The following KCNH5 variants were observed in gnomAD, a reference collection of about 807,000 sequenced individuals.
KCNH5 encodes the protein potassium voltage-gated channel subfamily H member 5.
In KCNH5, 46 loss-of-function variants were observed where a neutral mutation model predicts 96.1. That is an observed-to-expected ratio of 0.48 (90% CI 0.38 to 0.61). KCNH5 has a LOEUF of 0.61. KCNH5 is among the 20% of genes least tolerant of loss of function. The pLI is 0.00. For missense variants in KCNH5, 907 were observed against 1,225.8 expected (o/e 0.74, Z 3.88); for synonymous variants, 439 against 449.8 (o/e 0.98, Z 0.30).
chr14:62,963,552 C>CA (rs1890252239), intron 6 of KCNH5, among the ~76,000 whole-genome samples: 2 of 124,362 alleles, frequency 1.6e-5, no homozygotes, highest in Non-Finnish European at 3.6e-5. Flanking sequence ...AGTCCAAAAG[C>CA]AAGACGAGAT....
At chr14:62,929,222 G>C (rs1328688232) in intron 7 of KCNH5, among the ~76,000 whole-genome samples, 1 of 151,936 alleles carries the variant, frequency 6.6e-6, no homozygotes, top group African/African-American at 2.4e-5. Context: ...CATCTAGTCT[G>C]TCAGCAAATC....
chr14:62,954,368 A>C lies in KCNH5; in HGVS notation c.943-3809T>G, dbSNP rs541349378. ...TATAACAATTTTCACTGTCACACTTACTACAAGTCTGTTTGCATGTATGAC... is the reference window on the plus strand; with the variant it reads ...TATAACAATTTTCACTGTCACACTTCCTACAAGTCTGTTTGCATGTATGAC... On this transcript the variant is annotated intron_variant, in intron 6 of 10. Coordinates refer to ENST00000322893, the MANE Select transcript of KCNH5 (RefSeq NM_139318.5). Among the ~76,000 whole-genome samples the C allele has an allele frequency of 5.3e-5, 8 of 152,314 alleles. No homozygotes were observed. The East Asian group carries it at 1.5e-3, about 29-fold the overall frequency.
intron 7 of KCNH5, among the ~76,000 whole-genome samples, chr14:62,919,861 T>G (rs1324008776): frequency 6.6e-6 from 1 of 151,890 alleles, no homozygotes; most frequent in Admixed American, 6.6e-5. Flanking sequence ...GTGATTACAT[T>G]TAAATATAGC....
chr14:63,042,204 C>G (rs1309793670), intron 1 of KCNH5, among the ~76,000 whole-genome samples: 1 of 151,854 alleles, frequency 6.6e-6, no homozygotes, highest in Non-Finnish European at 1.5e-5. Flanking sequence ...CTCTGTTTTG[C>G]TCCTTGTGTG....
intron 9 of KCNH5, among the ~76,000 whole-genome samples, chr14:62,788,895 A>G (rs1372001093): frequency 1.3e-5 from 2 of 152,120 alleles, no homozygotes; most frequent in African/African-American, 4.8e-5. Flanking sequence ...TCCCTGGGAA[A>G]CCAAAAAATT....
At chr14:62,739,611 A>G (rs938643705) in intron 10 of KCNH5, among the ~76,000 whole-genome samples, 3 of 152,142 alleles carry the variant, frequency 2.0e-5, no homozygotes, top group Non-Finnish European at 4.4e-5. Context: ...TACTTTTGAT[A>G]TGGAGTTCAG....
chr14:62,778,267 C>T (rs1886139487), intron 10 of KCNH5, among the ~76,000 whole-genome samples: 1 of 152,138 alleles, frequency 6.6e-6, no homozygotes, highest in Non-Finnish European at 1.5e-5. Context: ...GTGGAACCCA[C>T]ATACAGGAAA....
At chr14:62,834,624 A>C (rs1887428447) in intron 8 of KCNH5, among the ~76,000 whole-genome samples, 1 of 152,030 alleles carries the variant, frequency 6.6e-6, no homozygotes, top group African/African-American at 2.4e-5. Context: ...ATTGGACTAG[A>C]GATCTAAAAA....
At chr14:62,879,964 C>A (rs891923158) in intron 7 of KCNH5, among the ~76,000 whole-genome samples, 5 of 152,076 alleles carry the variant, frequency 3.3e-5, no homozygotes, top group African/African-American at 1.2e-4. Flanking sequence ...TACATAAGAA[C>A]ATTTTTATTA....
At chr14:62,758,269 T>A (rs933288358) in intron 10 of KCNH5, among the ~76,000 whole-genome samples, 1 of 152,022 alleles carries the variant, frequency 6.6e-6, no homozygotes, top group African/African-American at 2.4e-5. Flanking sequence ...ATTGGATTGC[T>A]TATAATATAA....
rs559549990 is a variant in KCNH5 at position 63,011,222 on chromosome 14, C to T, written c.198-4750G>A. ...TTTCGGCCCGGCACAGTGGCTCACG[C>T]CTGTAATCCCAGCACTTTGAGAGGC... On this transcript the variant is annotated intron_variant, in intron 2 of 10. Transcript: ENST00000322893. 2.0e-5 allele frequency among the ~76,000 whole-genome samples: 3 copies of T among 152,240 alleles called. No individual in the cohort carries two copies. In the East Asian group the frequency reaches 5.8e-4, roughly 29 times the overall value.
At chr14:62,731,138 TA>T (rs1208850162) in intron 10 of KCNH5, among the ~76,000 whole-genome samples, 1 of 151,730 alleles carries the variant, frequency 6.6e-6, no homozygotes, top group Non-Finnish European at 1.5e-5. Flanking sequence ...CCATCTCTAC[TA>T]AAAATGCAAA....
intron 2 of KCNH5, among the ~76,000 whole-genome samples, chr14:63,008,680 CTT>C (rs1442854726): frequency 6.6e-6 from 1 of 151,986 alleles, no homozygotes; most frequent in Non-Finnish European, 1.5e-5. Context: ...ATGACAGACT[CTT>C]AATTCCATAA....
chr14:62,969,994 C>A (rs146657135), intron 6 of KCNH5, among the ~76,000 whole-genome samples: 5 of 136,730 alleles, frequency 3.7e-5, no homozygotes, highest in African/African-American at 1.1e-4. Context: ...GCTGAGACTG[C>A]GCCACTGCAC....
intron 10 of KCNH5, among the ~76,000 whole-genome samples, chr14:62,717,777 A>G (rs1884716246): frequency 6.6e-6 from 1 of 152,246 alleles, no homozygotes; most frequent in Non-Finnish European, 1.5e-5. Flanking sequence ...GCAGCAAAGA[A>G]CAAATAAATT....
intron 7 of KCNH5, among the ~76,000 whole-genome samples, chr14:62,854,011 A>C (rs1318575989): frequency 1.4e-5 from 2 of 141,420 alleles, no homozygotes; most frequent in South Asian, 2.1e-4. Context: ...TGTCAAAAAA[A>C]AAAAAAACAA....
At chr14:62,708,888 G>A (rs1884503246) in intron 10 of KCNH5, among the ~76,000 whole-genome samples, 1 of 152,098 alleles carries the variant, frequency 6.6e-6, no homozygotes, top group African/African-American at 2.4e-5. Context: ...TCTCTGTAAT[G>A]AATTGCCACT....
At chr14:62,981,328 A>C in intron 5 of KCNH5, 64 bp from the exon 6 acceptor site, 1 of 1,495,236 alleles carries the variant, frequency 6.7e-7, no homozygotes, top group Non-Finnish European at 9.2e-7. Flanking sequence ...TGATGAATTC[A>C]AATCTACTGG....
At chr14:63,030,924 A>G (rs1408279756) in intron 1 of KCNH5, among the ~76,000 whole-genome samples, 1 of 152,160 alleles carries the variant, frequency 6.6e-6, no homozygotes, top group Non-Finnish European at 1.5e-5. Flanking sequence ...TACTCAAAGT[A>G]TGGGCCAGCA....
Sources: gnomAD v4.1 joint callset for allele counts (sites outside exome capture counted in the v4.1 genomes callset) on GRCh38, gnomAD v4.1.1 for gene constraint, MANE v1.5 for transcripts, NCBI Gene and HGNC (gene_info 2026-07-23, HGNC 2026-07-21) for gene names.